SDC3: variants seen among roughly 807,000 people sequenced by gnomAD.
SDC3 encodes the protein syndecan-3.
A neutral mutation model predicts 24.4 loss-of-function variants in SDC3; 13 were observed. The observed-to-expected ratio is 0.53, with a 90% CI of 0.35 to 0.85. The LOEUF is 0.85. Ranked by LOEUF, SDC3 falls within the 40% of genes least tolerant of loss-of-function variation. The pLI is 0.01. For synonymous variants in SDC3, 295 were observed against 260.9 expected (o/e 1.13, Z -1.26); for missense variants, 571 against 584.5 (o/e 0.98, Z 0.24).
rs764469938 is a variant in SDC3 at position 30,877,132 on chromosome 1, A to G, written c.290T>C (p.Met97Thr). 1.9e-6 allele frequency: 3 copies of G among 1,613,800 alleles called. No homozygotes were observed. Among genetic ancestry groups the G allele is most frequent in the East Asian group, 2.2e-5 (1 of 44,846 alleles). Residue 97 changes from methionine to threonine, a missense_variant, in exon 3 of 5, where the codon ATG (methionine) becomes ACG (threonine). Physicochemically the swap from Met to Thr is moderately conservative, Grantham distance 81. This residue lies in a region of SDC3 where 497 missense variants were observed against 471.6 expected (regional missense o/e 1.05). Transcript: ENST00000339394. ...CAGGGCTACATCTGGGCTGAAGCGC[A>G]TGGCTGTCTCAATGCCCGACTCCTG... ...FEQESGIETA[M>T]RFSPDVALAV...
Position 30,870,144 on chromosome 1 carries a change from C to T in SDC3, c.*3067G>A. The T allele has an allele frequency of 2.6e-6, 1 of 382,150 alleles. No individual in the cohort carries two copies. The highest frequency in any genetic ancestry group is 4.6e-6 in the Non-Finnish European group (1 of 216,282). 23.7% of individuals were successfully genotyped at this position (382,150 alleles called of 1,614,324 possible). On this transcript the variant is annotated 3_prime_UTR_variant, in exon 5 of 5. Transcript: ENST00000339394. ...GTCTGCTCCCTGTGTCCAGGGGCCCCCACCAGGAGGCCTGACAGGCGGCTT... is the reference window on the plus strand; with the variant it reads ...GTCTGCTCCCTGTGTCCAGGGGCCCTCACCAGGAGGCCTGACAGGCGGCTT...
At chr1:30,889,819 T>C (rs1167754439) in intron 1 of SDC3, among the ~76,000 whole-genome samples, 2 of 152,156 alleles carry the variant, frequency 1.3e-5, no homozygotes, top group Admixed American at 6.5e-5. Flanking sequence ...AAATGGAGTT[T>C]CCATATGACT....
intron 1 of SDC3, among the ~76,000 whole-genome samples, chr1:30,888,085 C>G (rs978773790): frequency 6.6e-6 from 1 of 152,242 alleles, no homozygotes; most frequent in African/African-American, 2.4e-5. Context: ...ATTTCTCAAC[C>G]AGGACTGGAA....
chr1:30,879,343 G>A (rs2124315678), intron 1 of SDC3, among the ~76,000 whole-genome samples: 1 of 152,280 alleles, frequency 6.6e-6, no homozygotes, highest in East Asian at 1.9e-4. Flanking sequence ...TCAAAGTAAT[G>A]AATTAATCAG....
At chr1:30,895,030 TG>T (rs1476169982) in intron 1 of SDC3, among the ~76,000 whole-genome samples, 3 of 152,086 alleles carry the variant, frequency 2.0e-5, no homozygotes, top group African/African-American at 7.3e-5. Context: ...AGCATGCATC[TG>T]AGCCTCCCAA....
intron 2 of SDC3, chr1:30,877,373 T>A: frequency 1.5e-6 from 1 of 681,990 alleles, no homozygotes; most frequent in Non-Finnish European, 2.5e-6. Flanking sequence ...CTCTGCCAAG[T>A]CAAAAATTCT....
chr1:30,882,012 G>A (rs1639752691), intron 1 of SDC3, among the ~76,000 whole-genome samples: 1 of 152,158 alleles, frequency 6.6e-6, no homozygotes, highest in Non-Finnish European at 1.5e-5. Flanking sequence ...GCACACGATG[G>A]TGATAAGACT....
chr1:30,886,779 C>T (rs1056031691), intron 1 of SDC3, among the ~76,000 whole-genome samples: 50 of 152,300 alleles, frequency 3.3e-4, no homozygotes, highest in Non-Finnish European at 2.6e-4. Flanking sequence ...ACAGCCCCGA[C>T]GGAGGGAGCC....
At chr1:30,875,358 C>T (rs568736026) in intron 3 of SDC3, among the ~76,000 whole-genome samples, 4 of 152,316 alleles carry the variant, frequency 2.6e-5, no homozygotes, top group East Asian at 1.9e-4. Context: ...TCCTGGGCTC[C>T]GTGCCCCATC....
intron 1 of SDC3, among the ~76,000 whole-genome samples, chr1:30,907,742 G>GCCACACACGC (rs544633410): frequency 4.0e-4 from 61 of 151,758 alleles, no homozygotes; most frequent in African/African-American, 1.4e-3. Context: ...CACTGAGTTG[G>GCCACACACGC]CCACACACGC....
intron 1 of SDC3, among the ~76,000 whole-genome samples, chr1:30,908,014 A>C (rs1458918233): frequency 6.6e-6 from 1 of 151,824 alleles, no homozygotes; most frequent in Non-Finnish European, 1.5e-5. Context: ...GGCGACCCCC[A>C]GCCCGCCGCC....
chr1:30,904,485 T>C (rs2124346071), intron 1 of SDC3, among the ~76,000 whole-genome samples: 1 of 151,950 alleles, frequency 6.6e-6, no homozygotes, highest in South Asian at 2.1e-4. Context: ...ATTTTTTTTG[T>C]TTTTTGTTTG....
At chr1:30,909,139 C>A (rs893792185), upstream of SDC3, among the ~76,000 whole-genome samples, 6 of 152,174 alleles carry the variant, frequency 3.9e-5, no homozygotes, top group African/African-American at 1.4e-4. Context: ...ACAGCCTCCC[C>A]CTGTGGCTCC....
rs182437869 is a variant in SDC3, at chr1:30,876,598, G to T, written c.824C>A (p.Thr275Asn). 50 of 1,543,214 alleles carry T rather than the reference G, an allele frequency of 3.2e-5. No homozygotes were observed. In the East Asian group the frequency reaches 1.1e-3, roughly 34 times the overall value. ...AGGGGCAGTGGTCCCCAGGGGCAGG[G>T]TGCTCCTCTCAGGGATGTCAGGCTC... ...TQEPDIPERS[T>N]LPLGTTAPGP... Residue 275 changes from threonine (T) to asparagine (N), a missense_variant, in exon 3 of 5, where the codon ACC becomes AAC. Physicochemically the swap from Thr to Asn is moderately conservative, Grantham distance 65. This residue lies in a region of SDC3 where 497 missense variants were observed against 471.6 expected (regional missense o/e 1.05). Coordinates refer to ENST00000339394, the MANE Select transcript of SDC3 (RefSeq NM_014654.4).
chr1:30,900,049 A>G (rs1304450523), intron 1 of SDC3, among the ~76,000 whole-genome samples: 1 of 152,218 alleles, frequency 6.6e-6, no homozygotes, highest in Non-Finnish European at 1.5e-5. Flanking sequence ...TAGACACAGT[A>G]ACAGTCTGAT....
chr1:30,909,119 G>A (rs1638600182), upstream of SDC3, among the ~76,000 whole-genome samples: 1 of 152,148 alleles, frequency 6.6e-6, no homozygotes, highest in African/African-American at 2.4e-5. Context: ...TCGCATGGGC[G>A]TTTTCATCTA....
At chr1:30,898,070 T>C (rs1297342337) in intron 1 of SDC3, among the ~76,000 whole-genome samples, 1 of 57,584 alleles carries the variant, frequency 1.7e-5, no homozygotes, top group African/African-American at 1.7e-4. Flanking sequence ...GGTTCAACTG[T>C]TCAGAACAAG....
chr1:30,874,196 C>T (rs1639590209), intron 4 of SDC3, 101 bp downstream of exon 4: 2 of 975,176 alleles, frequency 2.1e-6, no homozygotes, highest in South Asian at 3.2e-5. Flanking sequence ...AAACCACGCC[C>T]TGATCTCCTT....
At position 30,876,950 on chromosome 1, in the gene SDC3, T is replaced by C. The variant is rs2124311359; in HGVS notation, c.472A>G (p.Thr158Ala). ...GTGGTAGCCATGGTAGTGGAGACGG[T>C]GGTGGCTCTCTGGCTGGGCTCTTCC... ...VPEEPSQRAT[T>A]VSTTMATTAA... Residue 158 changes from threonine to alanine, a missense_variant, in exon 3 of 5, where the codon ACC becomes GCC. By Grantham distance (58) the Thr-to-Ala change is moderately conservative. Coordinates refer to ENST00000339394, the MANE Select transcript of SDC3 (RefSeq NM_014654.4). 1 of 1,613,268 alleles carries C rather than the reference T, an allele frequency of 6.2e-7. No individual in the cohort carries two copies. The highest frequency in any genetic ancestry group is 1.1e-5 in the South Asian group (1 of 91,036).
Sources: gnomAD v4.1 joint callset for allele counts (sites outside exome capture counted in the v4.1 genomes callset) on GRCh38, gnomAD v4.1.1 for gene constraint, gnomAD v4.1.1 regional missense constraint, MANE v1.5 for transcripts, NCBI Gene and HGNC (gene_info 2026-07-23, HGNC 2026-07-21) for gene names.